UEVLD: variants seen among roughly 807,000 people sequenced by gnomAD.
UEVLD encodes the protein UEV and lactate/malate dehyrogenase domains.
In UEVLD, 47 loss-of-function variants were observed where a neutral mutation model predicts 58.6. The ratio of observed to expected loss-of-function variants is 0.80; its 90% CI spans 0.63 to 1.02. The LOEUF is 1.02. UEVLD is among the 50% of genes least tolerant of loss of function. UEVLD has a pLI of 0.00. For missense variants in UEVLD, 510 were observed against 550.6 expected (o/e 0.93, Z 0.74); for synonymous variants, 197 against 195.3 (o/e 1.01, Z -0.07).
chr11:18,542,446 C>T (rs572461794), intron 9 of UEVLD, among the ~76,000 whole-genome samples: 1 of 152,184 alleles, frequency 6.6e-6, no homozygotes, highest in Non-Finnish European at 1.5e-5. Flanking sequence ...TGTGTAGTGT[C>T]AGGGAGCATT....
At chr11:18,555,068 C>T (rs1007189093) in intron 7 of UEVLD, among the ~76,000 whole-genome samples, 4 of 151,732 alleles carry the variant, frequency 2.6e-5, no homozygotes, top group African/African-American at 7.3e-5. Flanking sequence ...GGAGAGAGAA[C>T]GGCTTGAATC....
At chr11:18,554,122 T>C (rs1015841131) in intron 7 of UEVLD, among the ~76,000 whole-genome samples, 2 of 152,152 alleles carry the variant, frequency 1.3e-5, no homozygotes, top group Non-Finnish European at 2.9e-5. Flanking sequence ...GGAGTTTCGC[T>C]CTTGTTGCCC....
At chr11:18,560,020 G>A (rs1851935977) in intron 6 of UEVLD, among the ~76,000 whole-genome samples, 1 of 146,138 alleles carries the variant, frequency 6.8e-6, no homozygotes, top group Non-Finnish European at 1.5e-5. Flanking sequence ...AGTTTGGAAG[G>A]ACAGGATGGG....
At chr11:18,557,041 G>A (rs1851780125) in intron 7 of UEVLD, among the ~76,000 whole-genome samples, 1 of 139,904 alleles carries the variant, frequency 7.1e-6, no homozygotes. Flanking sequence ...CCAGTGAGCT[G>A]AATCATGCCA....
Position 18,566,591 on chromosome 11 carries a change from G to A in UEVLD, c.358-109C>T. 2.6e-6 allele frequency: 3 copies of A among 1,170,160 alleles called. No individual in the cohort carries two copies. The East Asian group carries it at 7.6e-5, about 30-fold the overall frequency. 72.5% of individuals were successfully genotyped at this position (1,170,160 alleles called of 1,614,324 possible). On this transcript the variant is annotated intron_variant, in intron 4 of 11. Coordinates refer to ENST00000396197, the MANE Select transcript of UEVLD (RefSeq NM_001040697.4). ...AGCCCAGGAGTTTCAGATGCAGTGA[G>A]TTATGGTTGCACCACTATACTCCAG...
chr11:18,567,510 A>C (rs147933392), intron 4 of UEVLD, among the ~76,000 whole-genome samples: 1 of 152,220 alleles, frequency 6.6e-6, no homozygotes, highest in Non-Finnish European at 1.5e-5. Flanking sequence ...AGGTAACGTT[A>C]AATGTGTGAA....
In UEVLD at chr11:18,575,340, C is replaced by A; in HGVS notation, c.193+7G>T. ...AACTCACACATTTTTTCAACTTCCACACTTACCCTGATACATCACAGGAAT... is the reference window on the plus strand; with the variant it reads ...AACTCACACATTTTTTCAACTTCCAAACTTACCCTGATACATCACAGGAAT... On this transcript the variant is annotated splice_region_variant and intron_variant, in intron 3 of 11. Coordinates refer to ENST00000396197, the MANE Select transcript of UEVLD (RefSeq NM_001040697.4). 2 of 1,602,202 alleles carry A rather than the reference C, an allele frequency of 1.2e-6. No individual in the cohort carries two copies. Among genetic ancestry groups the A allele is most frequent in the African/African-American group, 1.3e-5 (1 of 74,096 alleles).
chr11:18,553,480 A>G (rs553578518), intron 7 of UEVLD, among the ~76,000 whole-genome samples: 3 of 152,320 alleles, frequency 2.0e-5, no homozygotes, highest in Admixed American at 2.0e-4. Context: ...TAAGTTAAAG[A>G]TCAAATTACC....
chr11:18,542,285 C>G (rs1267434161), intron 9 of UEVLD, among the ~76,000 whole-genome samples: 1 of 151,974 alleles, frequency 6.6e-6, no homozygotes. Flanking sequence ...TCAACATGGA[C>G]CAGAGGGTTT....
chr11:18,534,203 A>G lies in UEVLD; in HGVS notation c.1248+127T>C, dbSNP rs909563552. 8.9e-6 allele frequency: 6 copies of G among 673,582 alleles called. No individual in the cohort carries two copies. The African/African-American group carries it at 1.1e-4, about 13-fold the overall frequency. 41.7% of individuals were successfully genotyped at this position (673,582 alleles called of 1,614,324 possible). The stretch of plus-strand genomic sequence containing the variant: ...GGCTTAAACTAAACTGCCTTCTCCT[A>G]CCTGTTACTCTAAAAGCTGGTGATA... On this transcript the variant is annotated intron_variant, in intron 11 of 11. Transcript: ENST00000396197.
At chr11:18,555,057 A>G (rs1162457599) in intron 7 of UEVLD, among the ~76,000 whole-genome samples, 1 of 152,158 alleles carries the variant, frequency 6.6e-6, no homozygotes, top group East Asian at 1.9e-4. Context: ...TGGGAGGCCA[A>G]GGAGAGAGAA....
chr11:18,546,660 G>A (rs1400499749), intron 8 of UEVLD, among the ~76,000 whole-genome samples: 1 of 151,896 alleles, frequency 6.6e-6, no homozygotes, highest in Non-Finnish European at 1.5e-5. Context: ...CACCATGCCT[G>A]GCTAACTTTT....
At chr11:18,585,646 T>A (rs200158645) in intron 1 of UEVLD, among the ~76,000 whole-genome samples, 11,243 of 151,866 alleles carry the variant, frequency 0.074, 550 homozygotes, top group East Asian at 0.19. Context: ...ATTATTATTT[T>A]TTTTTTTTTG....
intron 6 of UEVLD, among the ~76,000 whole-genome samples, chr11:18,558,744 C>A (rs191538073): frequency 0.024 from 3,584 of 149,652 alleles, 66 homozygotes; most frequent in Non-Finnish European, 0.035. Flanking sequence ...GATTGTGTCA[C>A]TGCACTCCAG....
At chr11:18,535,708 G>C (rs1051359944) in intron 10 of UEVLD, among the ~76,000 whole-genome samples, 2 of 148,160 alleles carry the variant, frequency 1.3e-5, no homozygotes, top group African/African-American at 2.5e-5. Flanking sequence ...ACAAGGATCT[G>C]TGTGTTACAC....
At position 18,578,811 on chromosome 11, in the gene UEVLD, G is replaced by GA. The variant is rs757192558; in HGVS notation, c.43-4dup. The GA allele has an allele frequency of 1.3e-6, 2 of 1,570,948 alleles. No homozygotes were observed. The highest frequency in any genetic ancestry group is 4.5e-5 in the East Asian group (2 of 44,498). On this transcript the variant is annotated splice_polypyrimidine_tract_variant and splice_region_variant and intron_variant, in intron 1 of 11. Coordinates refer to ENST00000396197, the MANE Select transcript of UEVLD (RefSeq NM_001040697.4). ...ACAGTTAGGTCCCTGAACTTGTACT[G>GA]AAAAGAGAAAAATAAGCATGGAGTA... is the stretch of plus-strand genomic sequence containing the variant.
rs564664426 is a variant in UEVLD at position 18,566,412 on chromosome 11, G to C, written c.428C>G (p.Ser143Cys). The change falls in exon 5 of 12, where the codon TCT (serine) becomes TGT (cysteine). Residue 143 changes from serine (S) to cysteine (C), a missense_variant. Ser to Cys is a moderately radical substitution (Grantham distance 112, BLOSUM62 -1). Transcript: ENST00000396197. ...AKFQEELPMY[S>C]LSSSDEARQV... ...CCGTGCCTCATCAGATGATGATAGA[G>C]AATACATGGGAAGTTCCTCTTGAAA... 1.9e-6 allele frequency: 3 copies of C among 1,614,060 alleles called. No homozygotes were observed. The highest frequency in any genetic ancestry group is 2.5e-6 in the Non-Finnish European group (3 of 1,180,010).
chr11:18,576,508 A>G (rs1326530746), intron 2 of UEVLD, among the ~76,000 whole-genome samples: 2 of 152,272 alleles, frequency 1.3e-5, no homozygotes, highest in East Asian at 3.9e-4. Flanking sequence ...CCTGGGCAAC[A>G]GAGCGAGACT....
chr11:18,578,165 A>C (rs1304505500), intron 2 of UEVLD, among the ~76,000 whole-genome samples: 1 of 152,128 alleles, frequency 6.6e-6, no homozygotes, highest in Non-Finnish European at 1.5e-5. Context: ...ATTATCCTGT[A>C]TTACTGGGGT....
Sources: gnomAD v4.1 joint callset for allele counts (sites outside exome capture counted in the v4.1 genomes callset) on GRCh38, gnomAD v4.1.1 for gene constraint, MANE v1.5 for transcripts, NCBI Gene and HGNC (gene_info 2026-07-23, HGNC 2026-07-21) for gene names.